PAM: variants seen among roughly 807,000 people sequenced by gnomAD.
PAM encodes peptidylglycine alpha-amidating monooxygenase, also known as peptidyl-glycine alpha-amidating monooxygenase.
PAM carries 72 observed loss-of-function variants against 122.1 expected under a neutral mutation model. That is an observed-to-expected ratio of 0.59 (90% CI 0.49 to 0.72). PAM has a LOEUF of 0.72. Among genes scored for constraint, PAM ranks in the 30% least tolerant of loss-of-function variants. PAM has a pLI of 0.00. For synonymous variants in PAM, 389 were observed against 404.4 expected, an observed-to-expected ratio of 0.96 and a Z score of 0.46; for missense variants, 1,106 against 1,183.7, an observed-to-expected ratio of 0.93 and a Z score of 0.96.
At chr5:102,948,335 G>A in intron 8 of PAM, 43 bp from the exon 9 acceptor site, 1 of 1,095,438 alleles carries the variant, frequency 9.1e-7, no homozygotes, top group Non-Finnish European at 1.4e-6. Context: ...CAGTCATTTT[G>A]ACTTTTTCAG....
intron 5 of PAM, among the ~76,000 whole-genome samples, chr5:102,920,210 T>C (rs538088964): frequency 6.6e-6 from 1 of 152,108 alleles, no homozygotes; most frequent in East Asian, 1.9e-4. Context: ...TCATGAAGGG[T>C]AGATGAGGTA....
At chr5:102,980,132 A>G (rs1427121232) in intron 15 of PAM, among the ~76,000 whole-genome samples, 2 of 152,236 alleles carry the variant, frequency 1.3e-5, no homozygotes, top group South Asian at 2.1e-4. Context: ...AAAACAAGCA[A>G]TCAAGCTTGA....
Position 102,907,307 on chromosome 5 carries a change from T to A in PAM, c.268+5894T>A, listed in dbSNP as rs186783348. Among the ~76,000 whole-genome samples, 1,012 of 151,928 alleles carry A rather than the reference T, an allele frequency of 6.7e-3. 8 individuals are homozygous for A. The highest frequency in any genetic ancestry group is 0.012 in the Non-Finnish European group (843 of 67,874). ...CCCTACAAAGGACATGAACTCATCC[T>A]TTTTTATGGCTGCATAGTATTCCAT... On this transcript the variant is annotated intron_variant, in intron 4 of 25. Transcript: ENST00000438793.
intron 15 of PAM, among the ~76,000 whole-genome samples, chr5:102,983,659 T>C (rs1197909264): frequency 1.3e-5 from 2 of 152,050 alleles, no homozygotes; most frequent in South Asian, 2.1e-4. Flanking sequence ...TTGAAAGAGA[T>C]ACAGATATCC....
chr5:102,963,912 A>G (rs1210259979), intron 14 of PAM, among the ~76,000 whole-genome samples: 1 of 150,586 alleles, frequency 6.6e-6, no homozygotes, highest in African/African-American at 2.4e-5. Flanking sequence ...TCCTATCTTA[A>G]TACATTGGAA....
At position 103,005,313 on chromosome 5, in the gene PAM, G is replaced by C. The variant is rs1778629266; in HGVS notation, c.1803+87G>C. The C allele has an allele frequency of 3.7e-6, 3 of 807,332 alleles. No homozygotes were observed. The African/African-American group carries it at 5.2e-5, about 14-fold the overall frequency. The allele number at this position is 807,332 out of a possible 1,614,324, so 50.0% of individuals were successfully genotyped here. On this transcript the variant is annotated intron_variant, in intron 18 of 25. Transcript: ENST00000438793. ...CTGGAGTTGTATGGGTTTTTTGTTT[G>C]TTTGTTTTTTCTTCTGTCACCCAGT...
At chr5:102,986,786 G>A (rs1771969292) in intron 15 of PAM, among the ~76,000 whole-genome samples, 1 of 152,078 alleles carries the variant, frequency 6.6e-6, no homozygotes, top group African/African-American at 2.4e-5. Context: ...CTGTTCTCGT[G>A]GTAGTGAATA....
intron 14 of PAM, among the ~76,000 whole-genome samples, chr5:102,971,205 G>T (rs1765727106): frequency 6.6e-6 from 1 of 152,194 alleles, no homozygotes; most frequent in African/African-American, 2.4e-5. Context: ...TGAAGCAGAT[G>T]CATGTTGCAA....
At chr5:102,791,839 C>G (rs931365853) in intron 1 of PAM, among the ~76,000 whole-genome samples, 6 of 152,016 alleles carry the variant, frequency 3.9e-5, no homozygotes, top group African/African-American at 1.4e-4. Flanking sequence ...TAGCCTGTTT[C>G]TAGGGTTTTA....
intron 7 of PAM, among the ~76,000 whole-genome samples, chr5:102,938,289 C>T (rs1753937314): frequency 6.6e-6 from 1 of 152,108 alleles, no homozygotes; most frequent in East Asian, 1.9e-4. Context: ...TCATTGATTC[C>T]ATGGGACACC....
intron 4 of PAM, among the ~76,000 whole-genome samples, chr5:102,903,834 T>C (rs1191252502): frequency 6.6e-6 from 1 of 151,566 alleles, no homozygotes; most frequent in Non-Finnish European, 1.5e-5. Context: ...AGCTGAAATA[T>C]AGCAAGAGCA....
At position 103,013,566 on chromosome 5, in the gene PAM, T is replaced by C. The variant is rs191283339; in HGVS notation, c.2331+3700T>C. On this transcript the variant is annotated intron_variant, in intron 21 of 25. Coordinates refer to ENST00000438793, the MANE Select transcript of PAM (RefSeq NM_001177306.2). Reference sequence around the variant, plus strand: ...TCCTTTATTTCTTTTTCTTGTCTGATTGCTCTAGCTAAGACTTCCAGTACT... The same window carrying C: ...TCCTTTATTTCTTTTTCTTGTCTGACTGCTCTAGCTAAGACTTCCAGTACT... Among the ~76,000 whole-genome samples the C allele has an allele frequency of 3.1e-3, 471 of 152,336 alleles. 3 individuals are homozygous for C. The highest frequency in any genetic ancestry group is 0.02 in the Middle Eastern group (6 of 294).
At chr5:102,756,524 C>T (rs1457206558) in intron 1 of PAM, among the ~76,000 whole-genome samples, 1 of 152,112 alleles carries the variant, frequency 6.6e-6, no homozygotes, top group South Asian at 2.1e-4. Flanking sequence ...TCTAATAATC[C>T]AGGAAGGATA....
At chr5:102,801,772 AT>A (rs36068804) in intron 1 of PAM, among the ~76,000 whole-genome samples, 1,128 of 98,952 alleles carry the variant, frequency 0.011, 3 homozygotes, top group African/African-American at 0.038. Context: ...GGGAAAAGGT[AT>A]TTTTTTTTTT....
chr5:102,949,514 G>T (rs1171177822), intron 9 of PAM, 23 bp from the exon 10 acceptor site: 2 of 1,169,900 alleles, frequency 1.7e-6, no homozygotes, highest in Non-Finnish European at 2.6e-6. Context: ...AGTGACTTTT[G>T]TCTGTGTTTT....
chr5:102,837,472 GTT>G (rs972655836), intron 1 of PAM, among the ~76,000 whole-genome samples: 1 of 152,126 alleles, frequency 6.6e-6, no homozygotes, highest in African/African-American at 2.4e-5. Context: ...AAATCAATAA[GTT>G]GTTTAAACTT....
intron 1 of PAM, among the ~76,000 whole-genome samples, chr5:102,787,523 G>A (rs1324615677): frequency 6.6e-6 from 1 of 151,050 alleles, no homozygotes; most frequent in Non-Finnish European, 1.5e-5. Context: ...GGAAATCTGT[G>A]CCCAATTATG....
intron 3 of PAM, among the ~76,000 whole-genome samples, chr5:102,870,606 C>G (rs1787111084): frequency 6.6e-6 from 1 of 152,144 alleles, no homozygotes; most frequent in South Asian, 2.1e-4. Flanking sequence ...TCAAAGTAAG[C>G]TTATTCTGTC....
rs1343466892 is a variant in PAM, at chr5:103,028,116, G to T, written c.2690-69G>T. The T allele has an allele frequency of 7.7e-6, 9 of 1,174,234 alleles. No homozygotes were observed. The Admixed American group carries it at 1.6e-4, about 20-fold the overall frequency. 72.7% of individuals were successfully genotyped at this position (1,174,234 alleles called of 1,614,324 possible). A position where few individuals can be genotyped will look rare whatever the true frequency, so the allele number is the denominator to read the frequency against. ...ATTTACCAGTTCCTATTTTAAGTTG[G>T]AAGTTGAGTGCATGGGTTGAGAAAG... is the stretch of plus-strand genomic sequence containing the variant. On this transcript the variant is annotated intron_variant, in intron 24 of 25. Coordinates refer to ENST00000438793, the MANE Select transcript of PAM (RefSeq NM_001177306.2).
Sources: allele counts gnomAD v4.1 joint callset (sites outside exome capture counted in the v4.1 genomes callset), GRCh38; gene constraint gnomAD v4.1.1; transcripts MANE v1.5; gene names NCBI Gene and HGNC (gene_info 2026-07-23, HGNC 2026-07-21).